The following TMEM132B variants were observed in gnomAD, a reference collection of about 807,000 sequenced individuals.
TMEM132B encodes transmembrane protein 132B.
A neutral mutation model predicts 90.8 loss-of-function variants in TMEM132B; 18 were observed. The ratio of observed to expected loss-of-function variants is 0.20; its 90% CI spans 0.14 to 0.29. The LOEUF is 0.29. Among genes scored for constraint, TMEM132B ranks in the 10% least tolerant of loss-of-function variants. TMEM132B has a pLI of 1.00. For synonymous variants in TMEM132B, 504 were observed against 523.3 expected, an observed-to-expected ratio of 0.96 and a Z score of 0.50; for missense variants, 1,096 against 1,326.8, an observed-to-expected ratio of 0.83 and a Z score of 2.70.
At chr12:125,194,676 C>T (rs566862485) in intron 1 of TMEM132B, among the ~76,000 whole-genome samples, 13 of 132,914 alleles carry the variant, frequency 9.8e-5, no homozygotes, top group East Asian at 7.3e-4. Context: ...GCATTCCTGG[C>T]GAGCAGAGGG....
At chr12:125,476,955 C>CA (rs973617753) in intron 3 of TMEM132B, among the ~76,000 whole-genome samples, 3 of 152,096 alleles carry the variant, frequency 2.0e-5, no homozygotes, top group Non-Finnish European at 2.9e-5. Flanking sequence ...TGAAACAACA[C>CA]AAAAAATCTT....
At chr12:125,405,670 C>T (rs961192424) in intron 2 of TMEM132B, among the ~76,000 whole-genome samples, 2 of 152,192 alleles carry the variant, frequency 1.3e-5, no homozygotes, top group African/African-American at 4.8e-5. Flanking sequence ...ATCCTGCCTC[C>T]ACCTTGTGAT....
At chr12:125,466,776 C>T (rs1438323360) in intron 3 of TMEM132B, among the ~76,000 whole-genome samples, 1 of 152,220 alleles carries the variant, frequency 6.6e-6, no homozygotes, top group Non-Finnish European at 1.5e-5. Flanking sequence ...CTGTAGGTTT[C>T]CACCAAGTGT....
chr12:125,448,035 G>T (rs1156739757), intron 3 of TMEM132B, among the ~76,000 whole-genome samples: 1 of 152,166 alleles, frequency 6.6e-6, no homozygotes, highest in Non-Finnish European at 1.5e-5. Flanking sequence ...GAAGGCCAAG[G>T]CATGTGGGTC....
intron 1 of TMEM132B, among the ~76,000 whole-genome samples, chr12:125,292,448 G>A (rs778848055): frequency 1.3e-5 from 2 of 152,182 alleles, no homozygotes; most frequent in Admixed American, 6.5e-5. Flanking sequence ...GTTGAGTTTG[G>A]TCATGAAAGT....
chr12:125,644,109 G>A lies in TMEM132B; in HGVS notation c.1471G>A (p.Gly491Arg). Residue 491 changes from glycine to arginine, a missense_variant, in exon 6 of 9, where the codon GGG becomes AGG. Transcript: ENST00000682704. ...CAACTGTGATTCCATTTTTGTGAATGGGAAGGAAATGAAGAGCAAAGTGGA... is the reference window on the plus strand; with the variant it reads ...CAACTGTGATTCCATTTTTGTGAATAGGAAGGAAATGAAGAGCAAAGTGGA... The part of the protein sequence containing the change: ...SNNCDSIFVN[G>R]KEMKSKVDTI... 1 of 1,614,132 alleles carries A rather than the reference G, an allele frequency of 6.2e-7. No individual in the cohort carries two copies. Among genetic ancestry groups the A allele is most frequent in the Non-Finnish European group, 8.5e-7 (1 of 1,180,036 alleles).
chr12:125,512,049 G>A (rs956336811), intron 3 of TMEM132B, among the ~76,000 whole-genome samples: 2 of 152,054 alleles, frequency 1.3e-5, no homozygotes, highest in Admixed American at 1.3e-4. Context: ...AAATAGGTAC[G>A]TGAATTCTCA....
intron 1 of TMEM132B, among the ~76,000 whole-genome samples, chr12:125,238,367 AAAAAAAAAAC>A (rs1468533771): frequency 3.6e-4 from 26 of 71,542 alleles, no homozygotes; most frequent in Admixed American, 2.8e-3. Flanking sequence ...AAAAAAAACC[AAAAAAAAAAC>A]AAAAAAAAAC....
chr12:125,629,936 CA>C (rs1886321372), intron 5 of TMEM132B, among the ~76,000 whole-genome samples: 1 of 152,046 alleles, frequency 6.6e-6, no homozygotes, highest in Non-Finnish European at 1.5e-5. Context: ...CATGATGTAT[CA>C]CATTAATTCA....
chr12:125,488,617 T>A (rs879763607), intron 3 of TMEM132B, among the ~76,000 whole-genome samples: 59 of 152,232 alleles, frequency 3.9e-4, no homozygotes, highest in Admixed American at 5.2e-4. Flanking sequence ...CTTTGCCTCC[T>A]GCCATGATTG....
intron 5 of TMEM132B, among the ~76,000 whole-genome samples, chr12:125,595,028 A>C (rs552782436): frequency 6.6e-6 from 1 of 152,154 alleles, no homozygotes; most frequent in African/African-American, 2.4e-5. Context: ...ACGGGAACTC[A>C]GTGTAGATCA....
Position 125,350,034 on chromosome 12 carries a change from G to A in TMEM132B, c.650G>A (p.Gly217Asp). Residue 217 changes from glycine (G) to aspartate (D), a missense_variant, in exon 2 of 9, where the codon GGC (glycine) becomes GAC (aspartate). Physicochemically the swap from Gly to Asp is moderately conservative, Grantham distance 94. Coordinates refer to ENST00000682704, the MANE Select transcript of TMEM132B (RefSeq NM_001366854.1). ...GAGGAGATCCCAGCCCTGCTCGGGGGCACCACGATGGAGCTCTTCTTCACG... is the reference window on the plus strand; with the variant it reads ...GAGGAGATCCCAGCCCTGCTCGGGGACACCACGATGGAGCTCTTCTTCACG... ...PEEEIPALLGGTTMELFFTLY... is the reference protein window; with the variant it reads ...PEEEIPALLGDTTMELFFTLY... The A allele has an allele frequency of 1.9e-6, 3 of 1,614,220 alleles. No individual in the cohort carries two copies. Among genetic ancestry groups the A allele is most frequent in the Non-Finnish European group, 1.7e-6 (2 of 1,180,042 alleles).
At chr12:125,308,594 C>A (rs1876049062) in intron 1 of TMEM132B, among the ~76,000 whole-genome samples, 1 of 152,040 alleles carries the variant, frequency 6.6e-6, no homozygotes, top group South Asian at 2.1e-4. Flanking sequence ...AATTACAATT[C>A]TACTAGCAGG....
Position 125,349,401 on chromosome 12 carries a change from C to T in TMEM132B, c.68-51C>T. ...GGTGGAGACTGCACTGCATTTATTTCATTACATCTCAGAACACGGTTTTAT... is the reference window on the plus strand; with the variant it reads ...GGTGGAGACTGCACTGCATTTATTTTATTACATCTCAGAACACGGTTTTAT... On this transcript the variant is annotated intron_variant, in intron 1 of 8. Transcript: ENST00000682704. This position sits in a 1 kb window ranked among gnomAD's most constrained non-coding sequence, Gnocchi z 4.1. 6.5e-7 allele frequency: 1 copy of T among 1,544,712 alleles called. No homozygotes were observed. Among genetic ancestry groups the T allele is most frequent in the South Asian group, 1.3e-5 (1 of 77,794 alleles).
intron 1 of TMEM132B, among the ~76,000 whole-genome samples, chr12:125,205,990 G>A (rs1022282918): frequency 1.3e-5 from 2 of 152,168 alleles, no homozygotes; most frequent in African/African-American, 4.8e-5. Context: ...CCTGAATCTG[G>A]TCTGGGGAGT....
At chr12:125,577,576 T>G (rs1012808053) in intron 4 of TMEM132B, among the ~76,000 whole-genome samples, 2 of 150,170 alleles carry the variant, frequency 1.3e-5, no homozygotes, top group African/African-American at 4.9e-5. Flanking sequence ...TGATATAATA[T>G]TTATATTATT....
intron 5 of TMEM132B, among the ~76,000 whole-genome samples, chr12:125,641,586 C>T (rs1886632201): frequency 6.6e-6 from 1 of 152,050 alleles, no homozygotes; most frequent in Non-Finnish European, 1.5e-5. Context: ...ATTGCTAAGC[C>T]CTCTTACTTT....
intron 3 of TMEM132B, among the ~76,000 whole-genome samples, chr12:125,429,033 C>G (rs1446580484): frequency 6.6e-6 from 1 of 152,144 alleles, no homozygotes; most frequent in Non-Finnish European, 1.5e-5. Flanking sequence ...AAAAATTGGG[C>G]ATATACTACA....
At chr12:125,226,294 C>T (rs1873679765) in intron 1 of TMEM132B, among the ~76,000 whole-genome samples, 1 of 152,196 alleles carries the variant, frequency 6.6e-6, no homozygotes, top group South Asian at 2.1e-4. Context: ...TCCACCTTGG[C>T]CCTGCTACTT....
Sources: gnomAD v4.1 joint callset for allele counts (sites outside exome capture counted in the v4.1 genomes callset) on GRCh38, gnomAD v4.1.1 for gene constraint, Gnocchi (gnomAD v3.1) non-coding constraint, MANE v1.5 for transcripts, NCBI Gene and HGNC (gene_info 2026-07-23, HGNC 2026-07-21) for gene names.